Variants in SRGAP2B observed in about 807,000 individuals in gnomAD.
The protein encoded by SRGAP2B is SLIT-ROBO Rho GTPase-activating protein 2B.
A neutral mutation model predicts 22.2 loss-of-function variants in SRGAP2B; 9 were observed. The ratio of observed to expected loss-of-function variants is 0.41; its 90% CI spans 0.24 to 0.71. The LOEUF (loss-of-function observed/expected upper bound fraction) is 0.71. Ranked by LOEUF, SRGAP2B falls within the 30% of genes least tolerant of loss-of-function variation. The pLI is 0.35. For missense variants in SRGAP2B, 114 were observed against 235.8 expected (o/e 0.48, Z 3.38); for synonymous variants, 36 against 87.4 (o/e 0.41, Z 3.28).
At chr1:145,020,011 C>T (rs1485645880) in intron 2 of SRGAP2B, among the ~76,000 whole-genome samples, 1 of 151,024 alleles carries the variant, frequency 6.6e-6, no homozygotes, top group African/African-American at 2.5e-5. Flanking sequence ...GCCTGAAATG[C>T]CCTTCCCCCA....
intron 2 of SRGAP2B, among the ~76,000 whole-genome samples, chr1:145,001,186 A>G (rs1570975559): frequency 8.6e-6 from 1 of 116,788 alleles, no homozygotes; most frequent in South Asian, 3.2e-4. Context: ...CTACTCTGCT[A>G]GTTTGCCTTT....
chr1:144,981,039 C>T (rs1376119403), intron 3 of SRGAP2B, among the ~76,000 whole-genome samples: 3 of 148,692 alleles, frequency 2.0e-5, no homozygotes, highest in Non-Finnish European at 4.4e-5. Context: ...TCAGCCTGCC[C>T]GATTTCCCCC....
chr1:145,012,868 T>C (rs1672158868), intron 2 of SRGAP2B, among the ~76,000 whole-genome samples: 1 of 146,624 alleles, frequency 6.8e-6, no homozygotes, highest in Non-Finnish European at 1.5e-5. Flanking sequence ...GCAGATCACT[T>C]GAGGCCAGGA....
At chr1:144,966,479 C>T (rs587729810) in intron 3 of SRGAP2B, among the ~76,000 whole-genome samples, 6 of 147,430 alleles carry the variant, frequency 4.1e-5, no homozygotes, top group Middle Eastern at 3.4e-3. Flanking sequence ...CCTAAAAGAG[C>T]TCCTGAAGGA....
chr1:144,939,733 G>T (rs1553607038), intron 4 of SRGAP2B, among the ~76,000 whole-genome samples: 1 of 148,510 alleles, frequency 6.7e-6, no homozygotes. Context: ...TAGACTATGT[G>T]GTTTTCCTTG....
intron 3 of SRGAP2B, among the ~76,000 whole-genome samples, chr1:144,988,590 T>C (rs1669930502): frequency 6.9e-6 from 1 of 144,616 alleles, no homozygotes; most frequent in Admixed American, 6.9e-5. Context: ...GCAAAACTTT[T>C]ATTGTCTAAG....
chr1:144,907,140 T>C (rs1175229054), intron 5 of SRGAP2B, among the ~76,000 whole-genome samples: 14 of 71,280 alleles, frequency 2.0e-4, no homozygotes, highest in East Asian at 3.9e-4. Context: ...TGTGTGTGCG[T>C]GTGTGTGTGT....
At chr1:144,923,408 C>A (rs1241055488) in intron 4 of SRGAP2B, among the ~76,000 whole-genome samples, 2 of 150,154 alleles carry the variant, frequency 1.3e-5, no homozygotes, top group African/African-American at 5.0e-5. Context: ...GATGAGTGAT[C>A]ACCCCATTTC....
chr1:145,006,691 GT>G (rs1208716940), intron 2 of SRGAP2B, among the ~76,000 whole-genome samples: 3 of 150,396 alleles, frequency 2.0e-5, no homozygotes, highest in Admixed American at 6.6e-5. Flanking sequence ...GTTGACCACA[GT>G]TTTTTTTTAT....
rs368694353 is a variant in SRGAP2B, at chr1:144,986,394, G to A, written c.260+8614C>T. Reference sequence around the variant, plus strand: ...GATGAGTGCCCACTGAGATGTTCTGGGCAGAGAATGAACTATTCTGGGACC... The same window carrying A: ...GATGAGTGCCCACTGAGATGTTCTGAGCAGAGAATGAACTATTCTGGGACC... On this transcript the variant is annotated intron_variant, in intron 3 of 9. Transcript: ENST00000612199. 8.2e-5 allele frequency among the ~76,000 whole-genome samples: 12 copies of A among 145,760 alleles called. 2 individuals carry two copies. Among genetic ancestry groups the A allele is most frequent in the African/African-American group, 3.2e-4 (12 of 37,540 alleles).
chr1:144,970,325 T>G (rs368662125), intron 3 of SRGAP2B, among the ~76,000 whole-genome samples: 1 of 89,192 alleles, frequency 1.1e-5, no homozygotes, highest in African/African-American at 4.8e-5. Context: ...CCATAAAAAA[T>G]GATGAGTTCA....
intron 2 of SRGAP2B, among the ~76,000 whole-genome samples, chr1:144,996,039 CA>C (rs1670650923): frequency 6.6e-6 from 1 of 150,914 alleles, no homozygotes; most frequent in Non-Finnish European, 1.5e-5. Flanking sequence ...CTCTAGCATG[CA>C]GATTTCTGGC....
At position 144,907,605 on chromosome 1, in the gene SRGAP2B, C is replaced by A. The variant is rs1663087278; in HGVS notation, c.487-1531G>T. ...ATTTTGGCCCCCAGGGGAAATGTGGCAGTGTCTGGAAATATTTTTGATTGT... is the reference window on the plus strand; with the variant it reads ...ATTTTGGCCCCCAGGGGAAATGTGGAAGTGTCTGGAAATATTTTTGATTGT... On this transcript the variant is annotated intron_variant, in intron 5 of 9. Coordinates refer to ENST00000612199, the Ensembl canonical transcript of SRGAP2B. Among the ~76,000 whole-genome samples, 2 of 149,820 alleles carry A rather than the reference C, an allele frequency of 1.3e-5. 1 individual carries two copies. The highest frequency in any genetic ancestry group is 5.0e-5 in the African/African-American group (2 of 39,794).
chr1:144,992,085 C>A (rs1670288421), intron 3 of SRGAP2B, among the ~76,000 whole-genome samples: 1 of 150,282 alleles, frequency 6.7e-6, no homozygotes, highest in Non-Finnish European at 1.5e-5. Flanking sequence ...GACCACAAGC[C>A]CACCGGGAGG....
chr1:144,963,185 C>T, intron 3 of SRGAP2B, among the ~76,000 whole-genome samples: 1 of 150,672 alleles, frequency 6.6e-6, no homozygotes. Flanking sequence ...AATAAAGAGG[C>T]TGTTAAACCC....
At chr1:145,064,319 T>C (rs1651256918) in intron 2 of SRGAP2B, among the ~76,000 whole-genome samples, 1 of 148,350 alleles carries the variant, frequency 6.7e-6, no homozygotes, top group Admixed American at 6.6e-5. Flanking sequence ...AAGAGGCCCC[T>C]GCAGGGGAAA....
chr1:144,952,698 G>C (rs1553609598), intron 4 of SRGAP2B, among the ~76,000 whole-genome samples: 1 of 150,450 alleles, frequency 6.6e-6, no homozygotes, highest in African/African-American at 2.5e-5. Context: ...GGAGAGCAGT[G>C]GCATGATCAC....
intron 4 of SRGAP2B, among the ~76,000 whole-genome samples, chr1:144,920,857 CTTAG>C (rs1489018881): frequency 6.6e-6 from 1 of 150,600 alleles, no homozygotes; most frequent in Non-Finnish European, 1.5e-5. Flanking sequence ...AGCCCACTAA[CTTAG>C]TTAGACAGGA....
At chr1:144,963,113 C>A (rs1428185515) in intron 3 of SRGAP2B, among the ~76,000 whole-genome samples, 84 of 149,412 alleles carry the variant, frequency 5.6e-4, no homozygotes, top group Non-Finnish European at 1.1e-3. Context: ...AGACCTGGGA[C>A]CTTCCCTTTG....
Sources: gnomAD v4.1 joint callset for allele counts (sites outside exome capture counted in the v4.1 genomes callset) on GRCh38, gnomAD v4.1.1 for gene constraint, MANE v1.5 for transcripts, NCBI Gene and HGNC (gene_info 2026-07-23, HGNC 2026-07-21) for gene names.